Variants in KYNU observed in about 807,000 individuals in gnomAD.
The protein encoded by KYNU is L-kynurenine hydrolase.
A neutral mutation model predicts 59.2 loss-of-function variants in KYNU; 54 were observed. The ratio of observed to expected loss-of-function variants is 0.91; its 90% CI spans 0.73 to 1.14. The LOEUF is 1.14. Among genes scored for constraint, KYNU ranks in the 50% most tolerant of loss-of-function variants. KYNU has a pLI of 0.00. For missense variants in KYNU, 567 were observed against 554.4 expected, an observed-to-expected ratio of 1.02 and a Z score of -0.23; for synonymous variants, 177 against 192.0, an observed-to-expected ratio of 0.92 and a Z score of 0.65.
At chr2:142,910,700 A>C (rs1033106782) in intron 2 of KYNU, among the ~76,000 whole-genome samples, 1 of 152,086 alleles carries the variant, frequency 6.6e-6, no homozygotes, top group Non-Finnish European at 1.5e-5. Flanking sequence ...GAATTTTATA[A>C]TTTTAGGTCT....
intron 2 of KYNU, among the ~76,000 whole-genome samples, chr2:142,890,746 G>A (rs1201300651): frequency 6.6e-6 from 1 of 152,122 alleles, no homozygotes; most frequent in Non-Finnish European, 1.5e-5. Flanking sequence ...CCAATGTGCT[G>A]GGATTACAGG....
intron 12 of KYNU, among the ~76,000 whole-genome samples, chr2:143,037,248 T>G (rs1032366465): frequency 3.9e-5 from 6 of 152,216 alleles, no homozygotes; most frequent in African/African-American, 1.4e-4. Flanking sequence ...CAACTCCCTT[T>G]GGATGTATTT....
rs915649991 is a variant in KYNU, at chr2:143,052,313, A to G, written c.*10141A>G. The G allele has an allele frequency of 6.6e-5, 10 of 152,276 alleles. No homozygotes were observed. Among genetic ancestry groups the G allele is most frequent in the Admixed American group, 5.9e-4 (9 of 15,290 alleles). The allele number at this position is 152,276 out of a possible 1,614,324, so 9.4% of individuals were successfully genotyped here. A position where few individuals can be genotyped will look rare whatever the true frequency, so the allele number is the denominator to read the frequency against. ...TTTTCAGCCTGACAATGCAGTAGAA[A>G]AGGAAAACCAATTTTCTGAGGAGAA... On this transcript the variant is annotated 3_prime_UTR_variant, in exon 14 of 14. Coordinates refer to ENST00000264170, the MANE Select transcript of KYNU (RefSeq NM_003937.3).
At chr2:142,987,201 G>A (rs1202132675) in intron 10 of KYNU, among the ~76,000 whole-genome samples, 2 of 151,758 alleles carry the variant, frequency 1.3e-5, no homozygotes, top group Non-Finnish European at 2.9e-5. Context: ...GCTTGCTTTT[G>A]TATGATGACT....
intron 10 of KYNU, among the ~76,000 whole-genome samples, chr2:143,012,142 A>G (rs1304011767): frequency 6.6e-6 from 1 of 152,120 alleles, no homozygotes; most frequent in Non-Finnish European, 1.5e-5. Context: ...CCAAAATACA[A>G]AATGTTTCCT....
rs1353010351 is a variant in KYNU at position 142,918,737 on chromosome 2, T to C, written c.290+8T>C. 1.2e-6 allele frequency: 2 copies of C among 1,609,372 alleles called. No homozygotes were observed. Among genetic ancestry groups the C allele is most frequent in the Non-Finnish European group, 8.5e-7 (1 of 1,176,496 alleles). On this transcript the variant is annotated splice_region_variant and intron_variant, in intron 3 of 13. Coordinates refer to ENST00000264170, the MANE Select transcript of KYNU (RefSeq NM_003937.3). ...AGATAAGTGGGCCAAAATGTAAGTA[T>C]TATTTTAAAAGCTACTACTCTACAT...
intron 10 of KYNU, among the ~76,000 whole-genome samples, chr2:143,021,580 G>T (rs559345690): frequency 2.6e-5 from 4 of 151,234 alleles, no homozygotes; most frequent in African/African-American, 9.7e-5. Context: ...GGAGGCAAAT[G>T]GGGGGCAGGC....
intron 4 of KYNU, among the ~76,000 whole-genome samples, chr2:142,945,663 A>G (rs932183489): frequency 3.3e-5 from 5 of 152,188 alleles, no homozygotes; most frequent in South Asian, 4.1e-4. Flanking sequence ...AAGGTTTTCA[A>G]CTGACTTTGC....
At chr2:142,985,519 A>G (rs183611193) in intron 9 of KYNU, among the ~76,000 whole-genome samples, 6 of 152,030 alleles carry the variant, frequency 3.9e-5, no homozygotes, top group African/African-American at 1.4e-4. Flanking sequence ...ATATATAAAG[A>G]TAATATTTAG....
At chr2:142,988,474 TA>T (rs1685290211) in intron 10 of KYNU, among the ~76,000 whole-genome samples, 1 of 151,950 alleles carries the variant, frequency 6.6e-6, no homozygotes, top group African/African-American at 2.4e-5. Context: ...TTATATGCTA[TA>T]AGAAAGAATT....
intron 11 of KYNU, among the ~76,000 whole-genome samples, chr2:143,032,154 C>T (rs556045724): frequency 1.3e-5 from 2 of 151,916 alleles, no homozygotes; most frequent in South Asian, 4.2e-4. Context: ...GACAGGCACC[C>T]GTAGTCCCAG....
intron 4 of KYNU, among the ~76,000 whole-genome samples, chr2:142,935,175 G>T (rs922869518): frequency 6.6e-6 from 1 of 152,212 alleles, no homozygotes; most frequent in Non-Finnish European, 1.5e-5. Context: ...TGAACCAAAG[G>T]TTTAAGATAG....
chr2:142,916,200 G>A (rs1682663122), intron 2 of KYNU, among the ~76,000 whole-genome samples: 2 of 152,158 alleles, frequency 1.3e-5, no homozygotes. Context: ...CATGAAGCAA[G>A]TATTCCCAGC....
chr2:142,922,459 T>C (rs1473802118), intron 3 of KYNU, among the ~76,000 whole-genome samples: 1 of 152,112 alleles, frequency 6.6e-6, no homozygotes, highest in African/African-American at 2.4e-5. Flanking sequence ...TGAGCTGAGA[T>C]TGTGACACTG....
chr2:142,912,630 C>T (rs529321103), intron 2 of KYNU, among the ~76,000 whole-genome samples: 48 of 151,310 alleles, frequency 3.2e-4, no homozygotes, highest in African/African-American at 9.9e-4. Flanking sequence ...CCGCCCACCT[C>T]GGCCTCCCAA....
chr2:142,886,860 C>A (rs1327426871), intron 2 of KYNU, among the ~76,000 whole-genome samples: 2 of 152,142 alleles, frequency 1.3e-5, no homozygotes, highest in Non-Finnish European at 2.9e-5. Flanking sequence ...TGTACTGAGT[C>A]AGAACCCAGT....
At chr2:142,942,972 A>G (rs1683650220) in intron 4 of KYNU, among the ~76,000 whole-genome samples, 1 of 152,216 alleles carries the variant, frequency 6.6e-6, no homozygotes, top group Non-Finnish European at 1.5e-5. Flanking sequence ...AGGTCACATA[A>G]GAGACATTAA....
intron 2 of KYNU, among the ~76,000 whole-genome samples, chr2:142,888,804 C>T (rs1236015370): frequency 6.6e-6 from 1 of 150,486 alleles, no homozygotes; most frequent in Non-Finnish European, 1.5e-5. Flanking sequence ...ACTCGAGACA[C>T]TTCTGTCAGA....
chr2:142,958,185 A>G (rs887442266), intron 7 of KYNU: 1 of 161,816 alleles, frequency 6.2e-6, no homozygotes, highest in African/African-American at 2.4e-5. Context: ...ATGTGGTATA[A>G]TGGGAAGAGC....
Sources: allele counts gnomAD v4.1 joint callset (sites outside exome capture counted in the v4.1 genomes callset), GRCh38; gene constraint gnomAD v4.1.1; transcripts MANE v1.5; gene names NCBI Gene and HGNC (gene_info 2026-07-23, HGNC 2026-07-21).